The following LDB2 variants were observed in gnomAD, a reference collection of about 807,000 sequenced individuals.
LDB2 encodes LIM domain-binding protein 2.
LDB2 carries 12 observed loss-of-function variants against 44.3 expected under a neutral mutation model. The observed-to-expected ratio is 0.27, with a 90% CI of 0.17 to 0.44. LDB2 has a LOEUF of 0.44. Among genes scored for constraint, LDB2 ranks in the 20% least tolerant of loss-of-function variants. The pLI, the probability that LDB2 is intolerant of heterozygous loss-of-function variation, is 1.00. For synonymous variants in LDB2, 164 were observed against 174.8 expected (o/e 0.94, Z 0.49); for missense variants, 344 against 473.5 (o/e 0.73, Z 2.54).
At chr4:16,610,183 G>T (rs1025884755) in intron 2 of LDB2, among the ~76,000 whole-genome samples, 24 of 151,770 alleles carry the variant, frequency 1.6e-4, no homozygotes, top group African/African-American at 5.1e-4. Context: ...CAACAAAAAG[G>T]CCCCCACAGA....
chr4:16,627,232 G>A (rs1730516092), intron 2 of LDB2, among the ~76,000 whole-genome samples: 1 of 152,138 alleles, frequency 6.6e-6, no homozygotes, highest in African/African-American at 2.4e-5. Context: ...CACGTTATAT[G>A]CTTAAAACAT....
chr4:16,634,490 A>C (rs191751798), intron 2 of LDB2, among the ~76,000 whole-genome samples: 3 of 152,342 alleles, frequency 2.0e-5, no homozygotes, highest in Non-Finnish European at 4.4e-5. Flanking sequence ...AAAGGATATG[A>C]ACAGACACTT....
chr4:16,847,449 A>T (rs548015829), intron 1 of LDB2, among the ~76,000 whole-genome samples: 1 of 152,326 alleles, frequency 6.6e-6, no homozygotes, highest in South Asian at 2.1e-4. Context: ...TGTTACCCAA[A>T]TTTTGAAAAA....
chr4:16,867,858 A>G lies in LDB2; in HGVS notation c.132+30496T>C, dbSNP rs181382334. ...TGGATATGAATATCCTCCTATGCAC[A>G]TAGAAGATATCAACAATCCATGACA... On this transcript the variant is annotated intron_variant, in intron 1 of 7. Transcript: ENST00000304523. Among the ~76,000 whole-genome samples the G allele has an allele frequency of 2.0e-5, 3 of 152,322 alleles. No homozygotes were observed. The East Asian group carries it at 5.8e-4, about 29-fold the overall frequency.
rs1722248946 is a variant in LDB2 at position 16,512,648 on chromosome 4, TAGAA to T, written c.616-548_616-545del. Among the ~76,000 whole-genome samples the T allele has an allele frequency of 2.6e-5, 4 of 152,346 alleles. No homozygotes were observed. In the South Asian group the frequency reaches 6.2e-4, roughly 24 times the overall value. On this transcript the variant is annotated intron_variant, in intron 5 of 7. Transcript: ENST00000304523. ...ACAGGCACTTTTTGATCTTAACTCT[TAGAA>T]AGGTGGATGGTGAATACTATTTTAT...
intron 2 of LDB2, among the ~76,000 whole-genome samples, chr4:16,656,152 G>A (rs896561345): frequency 5.3e-5 from 8 of 152,120 alleles, no homozygotes; most frequent in Non-Finnish European, 1.0e-4. Context: ...CACCCGCCTC[G>A]GCCTCCCAAA....
intron 1 of LDB2, among the ~76,000 whole-genome samples, chr4:16,804,778 T>C (rs895417400): frequency 2.6e-5 from 4 of 152,242 alleles, no homozygotes; most frequent in African/African-American, 9.6e-5. Context: ...TATTTTTTGC[T>C]GATTTCTCAT....
intron 1 of LDB2, chr4:16,888,616 G>A (rs929696004): frequency 4.8e-6 from 3 of 621,042 alleles, no homozygotes; most frequent in Admixed American, 6.3e-5. Context: ...GTGCAGGCAT[G>A]TAAAAAGTAT....
In LDB2 at chr4:16,655,520, G is replaced by A. The variant is rs1197678640; in HGVS notation, c.236-59645C>T. Among the ~76,000 whole-genome samples, 7 of 152,256 alleles carry A rather than the reference G, an allele frequency of 4.6e-5. No individual in the cohort carries two copies. In the South Asian group the frequency reaches 8.3e-4, roughly 18 times the overall value. ...ACACATTAATAACCCACAATCGTCCGTTACACAAATTTTAAAATGAGTGTC... is the reference window on the plus strand; with the variant it reads ...ACACATTAATAACCCACAATCGTCCATTACACAAATTTTAAAATGAGTGTC... On this transcript the variant is annotated intron_variant, in intron 2 of 7. Transcript: ENST00000304523.
chr4:16,520,778 T>C (rs1172551658), intron 5 of LDB2, among the ~76,000 whole-genome samples: 1 of 152,152 alleles, frequency 6.6e-6, no homozygotes, highest in Non-Finnish European at 1.5e-5. Context: ...AGGGGAGAAG[T>C]GCTTGGACTG....
intron 2 of LDB2, among the ~76,000 whole-genome samples, chr4:16,714,509 G>A (rs1034088396): frequency 1.3e-5 from 2 of 152,110 alleles, no homozygotes; most frequent in African/African-American, 4.8e-5. Flanking sequence ...GGAAAAAAAT[G>A]AGAACACTAG....
chr4:16,830,721 T>A (rs1415602783), intron 1 of LDB2, among the ~76,000 whole-genome samples: 1 of 152,236 alleles, frequency 6.6e-6, no homozygotes, highest in Non-Finnish European at 1.5e-5. Context: ...GAACTCTATC[T>A]AATTCTGCCT....
At chr4:16,824,430 G>A (rs1481846881) in intron 1 of LDB2, among the ~76,000 whole-genome samples, 2 of 152,194 alleles carry the variant, frequency 1.3e-5, no homozygotes, top group African/African-American at 4.8e-5. Context: ...ACGAATGCTT[G>A]TACAACCCAG....
At chr4:16,563,307 A>T (rs1399918502) in intron 5 of LDB2, among the ~76,000 whole-genome samples, 2 of 150,960 alleles carry the variant, frequency 1.3e-5, no homozygotes, top group Non-Finnish European at 2.9e-5. Flanking sequence ...TGATTTTTTT[A>T]TTTTTTATTT....
intron 1 of LDB2, among the ~76,000 whole-genome samples, chr4:16,881,602 C>CT (rs34180998): frequency 0.54 from 72,009 of 133,118 alleles, 19,413 homozygotes; most frequent in East Asian, 0.81. Context: ...GAATTTGGGC[C>CT]TTTTTTTTTT....
At chr4:16,616,262 A>G (rs1237030498) in intron 2 of LDB2, among the ~76,000 whole-genome samples, 1 of 152,210 alleles carries the variant, frequency 6.6e-6, no homozygotes, top group East Asian at 1.9e-4. Context: ...GCACTGGCAC[A>G]TATCAAGATA....
intron 3 of LDB2, among the ~76,000 whole-genome samples, chr4:16,594,882 A>G (rs1191044068): frequency 6.6e-6 from 1 of 152,238 alleles, no homozygotes; most frequent in Admixed American, 6.5e-5. Flanking sequence ...AGTGTTCATT[A>G]AAATAAACTT....
At chr4:16,648,151 C>T (rs988533702) in intron 2 of LDB2, among the ~76,000 whole-genome samples, 1 of 152,198 alleles carries the variant, frequency 6.6e-6, no homozygotes, top group Admixed American at 6.5e-5. Context: ...CTCTCCACAG[C>T]TCTCTTAAAT....
chr4:16,660,519 A>G (rs921565893), intron 2 of LDB2, among the ~76,000 whole-genome samples: 1 of 152,206 alleles, frequency 6.6e-6, no homozygotes, highest in Non-Finnish European at 1.5e-5. Flanking sequence ...GAAAATGTCC[A>G]TATGGAAGTA....
Sources: gnomAD v4.1 joint callset for allele counts (sites outside exome capture counted in the v4.1 genomes callset) on GRCh38, gnomAD v4.1.1 for gene constraint, MANE v1.5 for transcripts, NCBI Gene and HGNC (gene_info 2026-07-23, HGNC 2026-07-21) for gene names.